ATP2B4: variants seen among roughly 807,000 people sequenced by gnomAD.
ATP2B4 encodes the protein plasma membrane calcium-transporting ATPase 4.
ATP2B4 carries 39 observed loss-of-function variants against 110.3 expected under a neutral mutation model. That is an observed-to-expected ratio of 0.35 (90% confidence interval 0.27 to 0.46). The LOEUF (loss-of-function observed/expected upper bound fraction) is 0.46, where lower values mean the gene tolerates loss of function less well. Ranked by LOEUF, ATP2B4 falls within the 20% of genes least tolerant of loss-of-function variation. The pLI, the probability that ATP2B4 is intolerant of heterozygous loss-of-function variation, is 1.00. For synonymous variants in ATP2B4, 538 were observed against 571.7 expected, an observed-to-expected ratio of 0.94 and a Z score of 0.84; for missense variants, 1,135 against 1,530.9, an observed-to-expected ratio of 0.74 and a Z score of 4.32.
At position 203,707,843 on chromosome 1, in the gene ATP2B4, T is replaced by C. The variant is rs1301688729; in HGVS notation, c.1315-19T>C. 43 of 1,611,542 alleles carry C rather than the reference T, an allele frequency of 2.7e-5. No homozygotes were observed. The highest frequency in any genetic ancestry group is 1.7e-4 in the Middle Eastern group (1 of 5,968). ...TCCAGTTAGTCCCCCTCTCAAGTCT[T>C]TTCTCTTCTCCTTTGTAGAAAATGA... On this transcript the variant is annotated intron_variant, in intron 9 of 20. Transcript: ENST00000357681.
At chr1:203,675,916 G>A (rs143818779) in intron 1 of ATP2B4, among the ~76,000 whole-genome samples, 6 of 152,250 alleles carry the variant, frequency 3.9e-5, no homozygotes, top group South Asian at 2.1e-4. Flanking sequence ...AGGACTATAG[G>A]GGGGAGAGGG....
chr1:203,635,220 C>T (rs892081911), intron 1 of ATP2B4, among the ~76,000 whole-genome samples: 2 of 152,046 alleles, frequency 1.3e-5, no homozygotes, highest in African/African-American at 4.8e-5. Context: ...GTGATCCACC[C>T]TCCTCAGCCT....
At chr1:203,637,118 T>C (rs1054302078) in intron 1 of ATP2B4, among the ~76,000 whole-genome samples, 3 of 152,186 alleles carry the variant, frequency 2.0e-5, no homozygotes, top group African/African-American at 7.2e-5. Context: ...CCAAAAGTTA[T>C]TATATTGAAC....
chr1:203,673,443 G>T (rs1664734931), intron 1 of ATP2B4, among the ~76,000 whole-genome samples: 1 of 152,216 alleles, frequency 6.6e-6, no homozygotes, highest in Non-Finnish European at 1.5e-5. Context: ...AATAAAACAG[G>T]CGCAGAGGGG....
At chr1:203,644,052 C>G (rs1397749632) in intron 1 of ATP2B4, among the ~76,000 whole-genome samples, 1 of 152,018 alleles carries the variant, frequency 6.6e-6, no homozygotes, top group African/African-American at 2.4e-5. Context: ...GGGTTCGAGG[C>G]CAGCTTGGCC....
chr1:203,719,104 C>A (rs933438646), intron 15 of ATP2B4, among the ~76,000 whole-genome samples: 1 of 151,562 alleles, frequency 6.6e-6, no homozygotes. Flanking sequence ...ACACACCTGT[C>A]GTCCCAGCTA....
intron 14 of ATP2B4, 112 bp downstream of exon 14, chr1:203,713,364 G>T: frequency 8.7e-7 from 1 of 1,150,216 alleles, no homozygotes. Flanking sequence ...GAGGTCCTAG[G>T]AGAGCTCCCA....
intron 1 of ATP2B4, among the ~76,000 whole-genome samples, chr1:203,635,382 C>T (rs1304239963): frequency 6.6e-6 from 1 of 152,218 alleles, no homozygotes; most frequent in Non-Finnish European, 1.5e-5. Context: ...AATCCTCCGA[C>T]CTCAGCCTCC....
intron 19 of ATP2B4, 47 bp downstream of exon 19, chr1:203,724,035 C>A: frequency 6.7e-7 from 1 of 1,495,762 alleles, no homozygotes; most frequent in South Asian, 1.2e-5. Flanking sequence ...GCCTGCAGAA[C>A]TCCCCTCCTC....
At chr1:203,710,499 G>A (rs912533818) in intron 11 of ATP2B4, among the ~76,000 whole-genome samples, 4 of 152,182 alleles carry the variant, frequency 2.6e-5, no homozygotes, top group African/African-American at 7.2e-5. Context: ...GCACATTCTT[G>A]TATAGGAAAC....
intron 2 of ATP2B4, among the ~76,000 whole-genome samples, chr1:203,689,717 G>A (rs1426549543): frequency 6.6e-6 from 1 of 152,224 alleles, no homozygotes; most frequent in Non-Finnish European, 1.5e-5. Flanking sequence ...AACATGACAG[G>A]TGCAGTGCCT....
At chr1:203,710,664 C>G (rs1057066550) in intron 11 of ATP2B4, among the ~76,000 whole-genome samples, 5 of 152,186 alleles carry the variant, frequency 3.3e-5, no homozygotes, top group African/African-American at 1.2e-4. Context: ...ATGGGAGAAT[C>G]CCACTCTCTA....
intron 15 of ATP2B4, among the ~76,000 whole-genome samples, chr1:203,719,438 G>A (rs1294040078): frequency 1.3e-5 from 2 of 151,918 alleles, no homozygotes; most frequent in Non-Finnish European, 2.9e-5. Context: ...GTCTGGGCAC[G>A]GTGGCACATG....
Position 203,722,666 on chromosome 1 carries a change from G to A in ATP2B4, c.3001G>A (p.Val1001Ile), listed in dbSNP as rs1571764935. 1 of 1,614,210 alleles carries A rather than the reference G, an allele frequency of 6.2e-7. No homozygotes were observed. Among genetic ancestry groups the A allele is most frequent in the Non-Finnish European group, 8.5e-7 (1 of 1,180,026 alleles). ...CCGCAACATTATCTTCTGCTCTGTA[G>A]TCTTGGGCACATTCATCTGCCAGGT... ...IYRNIIFCSV[V>I]LGTFICQIFI... is the part of the protein sequence containing the mutation. The change falls in exon 18 of 21, where the codon GTC becomes ATC. Residue 1001 changes from valine to isoleucine, a missense_variant. Val to Ile is a conservative substitution (Grantham distance 29). Transcript: ENST00000357681.
chr1:203,665,559 T>A (rs1455317459), intron 1 of ATP2B4, among the ~76,000 whole-genome samples: 1 of 152,086 alleles, frequency 6.6e-6, no homozygotes, highest in Non-Finnish European at 1.5e-5. Flanking sequence ...CCCAACACTT[T>A]GGGAGGCCAA....
At position 203,715,798 on chromosome 1, in the gene ATP2B4, A is replaced by T. The variant is rs1666143862; in HGVS notation, c.2406+1521A>T. ...CCAAATCAGGATTCAGATAAGATCC[A>T]TAACTTGCAGTTATTTGATACATCT... On this transcript the variant is annotated intron_variant, in intron 15 of 20. Coordinates refer to ENST00000357681, the MANE Select transcript of ATP2B4 (RefSeq NM_001684.5). 1.4e-5 allele frequency among the ~76,000 whole-genome samples: 2 copies of T among 144,592 alleles called. 1 individual carries two copies. Among genetic ancestry groups the T allele is most frequent in the African/African-American group, 5.1e-5 (2 of 39,558 alleles). The allele number at this position is 144,592 out of a possible 152,430, so 94.9% of individuals were successfully genotyped here. A position where few individuals can be genotyped will look rare whatever the true frequency, so the allele number is the denominator to read the frequency against.
chr1:203,628,693 A>G (rs1374472107), intron 1 of ATP2B4, among the ~76,000 whole-genome samples: 2 of 151,772 alleles, frequency 1.3e-5, no homozygotes, highest in Non-Finnish European at 2.9e-5. Context: ...AGGCCCTACT[A>G]CGCCCCCTCC....
In ATP2B4 at chr1:203,713,254, T is replaced by C. The variant is rs1312594272; in HGVS notation, c.2299+2T>C. The C allele has an allele frequency of 6.2e-7, 1 of 1,613,848 alleles. No homozygotes were observed. Among genetic ancestry groups the C allele is most frequent in the Non-Finnish European group, 8.5e-7 (1 of 1,179,938 alleles). On this transcript the variant is annotated splice_donor_variant, in intron 14 of 20. Transcript: ENST00000357681. LOFTEE classifies it high-confidence loss of function. ...CTGACAAGCACACCCTGGTGAAAGG[T>C]GAGGTTGGCTTCCAAATAGGTGCCT...
intron 1 of ATP2B4, among the ~76,000 whole-genome samples, chr1:203,673,398 A>G (rs1435223331): frequency 6.6e-6 from 1 of 152,228 alleles, no homozygotes; most frequent in Non-Finnish European, 1.5e-5. Flanking sequence ...GGCTGACTGA[A>G]TGGATCCTGT....
Sources: allele counts gnomAD v4.1 joint callset (sites outside exome capture counted in the v4.1 genomes callset), GRCh38; gene constraint gnomAD v4.1.1; transcripts MANE v1.5; gene names NCBI Gene and HGNC (gene_info 2026-07-23, HGNC 2026-07-21).